The following GATA4 variants were observed in gnomAD, a reference collection of about 807,000 sequenced individuals.
GATA4 encodes the protein transcription factor GATA-4.
GATA4 carries 7 observed loss-of-function variants against 37.9 expected under a neutral mutation model. The observed-to-expected ratio is 0.18, with a 90% CI of 0.11 to 0.35. GATA4 has a LOEUF of 0.35. GATA4 is among the 10% of genes least tolerant of loss of function. GATA4 has a pLI of 1.00. For missense variants in GATA4, 647 were observed against 653.0 expected (o/e 0.99, Z 0.10); for synonymous variants, 372 against 292.6 (o/e 1.27, Z -2.77).
At chr8:11,733,972 G>A (rs992391736) in intron 2 of GATA4, among the ~76,000 whole-genome samples, 4 of 152,240 alleles carry the variant, frequency 2.6e-5, no homozygotes, top group African/African-American at 9.6e-5. Context: ...GAACCACATA[G>A]AGGTTTTGCC....
chr8:11,705,012 G>A (rs1480294294), intron 1 of GATA4, among the ~76,000 whole-genome samples: 1 of 152,240 alleles, frequency 6.6e-6, no homozygotes, highest in Non-Finnish European at 1.5e-5. Context: ...GGGGCTGCCC[G>A]GATCCGCCGG....
intron 1 of GATA4, among the ~76,000 whole-genome samples, chr8:11,685,881 G>C (rs191889748): frequency 1.4e-4 from 21 of 152,310 alleles, no homozygotes; most frequent in African/African-American, 5.1e-4. Flanking sequence ...CAGGGAGGGA[G>C]AAAAGGAGGA....
At chr8:11,686,075 G>A (rs1799125725) in intron 1 of GATA4, among the ~76,000 whole-genome samples, 1 of 152,218 alleles carries the variant, frequency 6.6e-6, no homozygotes, top group Non-Finnish European at 1.5e-5. Context: ...TGCACTTGTA[G>A]AGAAACAAGT....
chr8:11,694,943 G>A (rs1799460289), intron 1 of GATA4, among the ~76,000 whole-genome samples: 1 of 152,146 alleles, frequency 6.6e-6, no homozygotes, highest in African/African-American at 2.4e-5. Flanking sequence ...CAGTGGCTTT[G>A]GGCTCTTGTG....
At chr8:11,706,936 G>A (rs1434401407) in intron 1 of GATA4, among the ~76,000 whole-genome samples, 1 of 152,158 alleles carries the variant, frequency 6.6e-6, no homozygotes, top group Non-Finnish European at 1.5e-5. Context: ...TATTTTATCA[G>A]AAAAATTGCC....
chr8:11,691,582 T>A (rs546879897), upstream of GATA4, among the ~76,000 whole-genome samples: 11 of 152,280 alleles, frequency 7.2e-5, no homozygotes, highest in Middle Eastern at 6.8e-3. Flanking sequence ...AGTTTAGTAG[T>A]CTCTTCATTT....
At chr8:11,696,521 A>G (rs1156874161) in intron 1 of GATA4, among the ~76,000 whole-genome samples, 1 of 152,150 alleles carries the variant, frequency 6.6e-6, no homozygotes, top group East Asian at 1.9e-4. Context: ...CTTAAGGATC[A>G]TTTGAGTGGT....
At chr8:11,728,222 C>G (rs1468067100) in intron 2 of GATA4, among the ~76,000 whole-genome samples, 1 of 152,238 alleles carries the variant, frequency 6.6e-6, no homozygotes, top group African/African-American at 2.4e-5. Flanking sequence ...TTCCTTATGT[C>G]AGGTGATCCA....
intron 2 of GATA4, among the ~76,000 whole-genome samples, chr8:11,743,318 A>G (rs887913853): frequency 6.6e-6 from 1 of 152,392 alleles, no homozygotes; most frequent in South Asian, 2.1e-4. Flanking sequence ...ATACAGACGC[A>G]TGGCAGATAT....
rs893479515 is a variant in GATA4 at position 11,758,667 on chromosome 8, C to T, written c.*192C>T. 2.6e-5 allele frequency: 17 copies of T among 648,606 alleles called. No individual in the cohort carries two copies. The highest frequency in any genetic ancestry group is 4.5e-5 in the Admixed American group (2 of 44,820). The allele number at this position is 648,606 out of a possible 1,614,324, so 40.2% of individuals were successfully genotyped here. On this transcript the variant is annotated 3_prime_UTR_variant, in exon 7 of 7. Transcript: ENST00000532059. ...TTGGATTTTCTCAGATGCCTTTACA[C>T]GCTGATGGGACTGGAGGGAGCCCAC... is the stretch of plus-strand genomic sequence containing the variant.
At chr8:11,721,004 T>C (rs930307876) in intron 2 of GATA4, among the ~76,000 whole-genome samples, 1 of 151,940 alleles carries the variant, frequency 6.6e-6, no homozygotes, top group Non-Finnish European at 1.5e-5. Flanking sequence ...CTTCTCCCCA[T>C]TCCCTGTGAG....
chr8:11,739,234 G>A (rs1030657360), intron 2 of GATA4, among the ~76,000 whole-genome samples: 2 of 152,194 alleles, frequency 1.3e-5, no homozygotes, highest in Non-Finnish European at 2.9e-5. Flanking sequence ...AAAATCTGAA[G>A]AACATAGTCT....
At chr8:11,685,837 G>A (rs555181545) in intron 1 of GATA4, among the ~76,000 whole-genome samples, 2 of 152,162 alleles carry the variant, frequency 1.3e-5, no homozygotes, top group Non-Finnish European at 2.9e-5. Flanking sequence ...TAGTGATGGG[G>A]GATGCTGCAA....
At chr8:11,718,566 A>G (rs1480709867) in intron 2 of GATA4, among the ~76,000 whole-genome samples, 2 of 152,208 alleles carry the variant, frequency 1.3e-5, no homozygotes, top group Non-Finnish European at 2.9e-5. Context: ...TACTACCACA[A>G]TTTGGTGGGA....
At chr8:11,745,044 T>A (rs1801960604) in intron 2 of GATA4, among the ~76,000 whole-genome samples, 1 of 152,206 alleles carries the variant, frequency 6.6e-6, no homozygotes, top group South Asian at 2.1e-4. Context: ...ATCAGAGTGA[T>A]TAAATAGCAG....
chr8:11,756,794 G>A lies in GATA4; in HGVS notation c.1001-141G>A, dbSNP rs1001682495. 44 of 1,106,000 alleles carry A rather than the reference G, an allele frequency of 4.0e-5. No homozygotes were observed. The African/African-American group carries it at 5.2e-4, about 13-fold the overall frequency. 68.5% of individuals were successfully genotyped at this position (1,106,000 alleles called of 1,614,324 possible). A position where few individuals can be genotyped will look rare whatever the true frequency, so the allele number is the denominator to read the frequency against. On this transcript the variant is annotated intron_variant, in intron 5 of 6. Coordinates refer to ENST00000532059, the MANE Select transcript of GATA4 (RefSeq NM_001308093.3). ...ATCCCTGTGAGAACTGTAGCCCTCC[G>A]CAGATAAGGACCTCTGCTGCTGTCC...
At chr8:11,728,950 C>T (rs185922977) in intron 2 of GATA4, among the ~76,000 whole-genome samples, 21 of 152,206 alleles carry the variant, frequency 1.4e-4, no homozygotes, top group African/African-American at 4.3e-4. Context: ...ACCTAGCTGA[C>T]GGCCAGGCGT....
intron 1 of GATA4, chr8:11,692,892 G>A: frequency 4.1e-6 from 4 of 981,280 alleles, no homozygotes; most frequent in Non-Finnish European, 3.6e-6. Context: ...CCGCCGCCCC[G>A]CGCTCGCCTC....
upstream of GATA4, chr8:11,691,937 A>G (rs1036108672): frequency 3.4e-6 from 3 of 874,946 alleles, no homozygotes; most frequent in Admixed American, 6.2e-5. Flanking sequence ...ATCAAAAACC[A>G]CTTCAGACCA....
Sources: gnomAD v4.1 joint callset for allele counts (sites outside exome capture counted in the v4.1 genomes callset) on GRCh38, gnomAD v4.1.1 for gene constraint, MANE v1.5 for transcripts, NCBI Gene and HGNC (gene_info 2026-07-23, HGNC 2026-07-21) for gene names.